Variants in CKAP2 observed in about 807,000 individuals in gnomAD.
CKAP2 encodes cytoskeleton associated protein 2, also known as cytoskeleton-associated protein 2.
In CKAP2, 46 loss-of-function variants were observed where a neutral mutation model predicts 58.4. The observed-to-expected ratio is 0.79, with a 90% confidence interval of 0.62 to 1.01. The LOEUF (loss-of-function observed/expected upper bound fraction) is 1.01. CKAP2 is among the 50% of genes least tolerant of loss of function. CKAP2 has a pLI of 0.00. For synonymous variants in CKAP2, 293 were observed against 280.9 expected (o/e 1.04, Z -0.43); for missense variants, 809 against 796.4 (o/e 1.02, Z -0.19).
chr13:52,467,226 C>A (rs1206609081), intron 6 of CKAP2, among the ~76,000 whole-genome samples: 1 of 151,852 alleles, frequency 6.6e-6, no homozygotes, highest in Non-Finnish European at 1.5e-5. Flanking sequence ...TTGGGTGGAA[C>A]ATAGCAAATG....
At chr13:52,458,005 A>G (rs975785173) in intron 2 of CKAP2, among the ~76,000 whole-genome samples, 2 of 152,168 alleles carry the variant, frequency 1.3e-5, no homozygotes, top group Non-Finnish European at 1.5e-5. Flanking sequence ...TGACCTGTTT[A>G]TATTTTTGCA....
At chr13:52,473,670 A>G (rs535627459) in intron 7 of CKAP2, 159 bp from the exon 8 acceptor site, 169 of 579,312 alleles carry the variant, frequency 2.9e-4, no homozygotes, top group Admixed American at 2.2e-3. Flanking sequence ...TTTGTTATAT[A>G]GTTGGCAGCA....
At position 52,455,635 on chromosome 13, in the gene CKAP2, CGCGGTGGCGGTGGCGGTGGCGGTG is replaced by C. The variant is rs72440971; in HGVS notation, c.70+26_70+49del. 50,350 of 1,562,918 alleles carry C rather than the reference CGCGGTGGCGGTGGCGGTGGCGGTG, an allele frequency of 0.032. 1,130 individuals carry two copies. Among genetic ancestry groups the C allele is most frequent in the Non-Finnish European group, 0.037 (43,272 of 1,158,816 alleles). Reference sequence around the variant, plus strand: ...GCAGTCCGCATTCAAAGGTGAAGGCCGCGGTGGCGGTGGCGGTGGCGGTGGCGGTGGCGGTGGCGGGCGCGGGCC... The same window carrying C: ...GCAGTCCGCATTCAAAGGTGAAGGCCGCGGTGGCGGTGGCGGGCGCGGGCC... On this transcript the variant is annotated intron_variant, in intron 1 of 8. Coordinates refer to ENST00000258607, the MANE Select transcript of CKAP2 (RefSeq NM_018204.5).
chr13:52,459,624 C>A (rs891187245), intron 2 of CKAP2, among the ~76,000 whole-genome samples: 1 of 151,644 alleles, frequency 6.6e-6, no homozygotes, highest in African/African-American at 2.4e-5. Flanking sequence ...TTCCTGGCCT[C>A]ATTTTTTTTT....
intron 2 of CKAP2, among the ~76,000 whole-genome samples, chr13:52,458,838 CAA>C (rs1481451870): frequency 2.7e-5 from 4 of 147,000 alleles, no homozygotes; most frequent in Admixed American, 6.8e-5. Flanking sequence ...GCCTGGGTGA[CAA>C]GAGCGAGACT....
Position 52,461,859 on chromosome 13 carries a change from C to T in CKAP2, c.1033C>T (p.His345Tyr). Residue 345 changes from histidine to tyrosine, a missense_variant, in exon 4 of 9, where the codon CAT becomes TAT. By Grantham distance (83) the His-to-Tyr change is moderately conservative. Coordinates refer to ENST00000258607, the MANE Select transcript of CKAP2 (RefSeq NM_018204.5). ...GTCAGAGCCCGTTGACCAGCGAAGA[C>T]ATACTGCAGGAAAAGCAATTGTTGA... The part of the protein sequence containing the change: ...EKSEPVDQRR[H>Y]TAGKAIVDSR... 9 of 1,614,104 alleles carry T rather than the reference C, an allele frequency of 5.6e-6. No homozygotes were observed. Among genetic ancestry groups the T allele is most frequent in the Non-Finnish European group, 7.6e-6 (9 of 1,179,994 alleles).
Position 52,455,534 on chromosome 13 carries a change from G to A in CKAP2, c.-23G>A, listed in dbSNP as rs750393676. 4 of 1,612,452 alleles carry A rather than the reference G, an allele frequency of 2.5e-6. No homozygotes were observed. In the African/African-American group the frequency reaches 4.0e-5, roughly 16 times the overall value. On this transcript the variant is annotated 5_prime_UTR_variant, in exon 1 of 9. Transcript: ENST00000258607. ...TCTATCTTGGCGCTAAAGCGGAGAC[G>A]CATCCCCCGACCCGAGGCTACGATG...
Position 52,461,706 on chromosome 13 carries a change from A to C in CKAP2, c.880A>C (p.Thr294Pro). 1.2e-6 allele frequency: 2 copies of C among 1,613,902 alleles called. No individual in the cohort carries two copies. The highest frequency in any genetic ancestry group is 1.7e-6 in the Non-Finnish European group (2 of 1,179,910). Residue 294 changes from threonine to proline, a missense_variant, in exon 4 of 9, where the codon ACA becomes CCA. Coordinates refer to ENST00000258607, the MANE Select transcript of CKAP2 (RefSeq NM_018204.5). ...TGAAAAAGAACTATTACAATCAAAA[A>C]CAGCTTTATCTAGTGTCAAAACCAG... is the stretch of plus-strand genomic sequence containing the variant. ...PHEKELLQSK[T>P]ALSSVKTSSS...
intron 2 of CKAP2, 96 bp downstream of exon 2, chr13:52,456,703 C>A: frequency 3.3e-6 from 3 of 910,472 alleles, no homozygotes; most frequent in South Asian, 3.2e-5. Flanking sequence ...TTTAAATTTT[C>A]TAGTAGCCAC....
intron 6 of CKAP2, chr13:52,465,942 T>TAC (rs140607775): frequency 8.1e-4 from 167 of 206,040 alleles, no homozygotes; most frequent in East Asian, 2.6e-3. Flanking sequence ...CACATATATA[T>TAC]ACACATATAT....
rs1454240142 is a variant in CKAP2, at chr13:52,474,903, AAAAG to A, written c.1812_1815del (p.Lys605CysfsTer13). 3.7e-6 allele frequency: 6 copies of A among 1,606,976 alleles called. No individual in the cohort carries two copies. In the African/African-American group the frequency reaches 8.0e-5, roughly 22 times the overall value. ...ATTGTTTTAATTTTCAGTGTGAAAA[AAAAG>A]GTGCAGTTTGATGGAACAAATTCCG... On this transcript the variant is annotated frameshift_variant, in exon 9 of 9. Transcript: ENST00000258607. LOFTEE classifies it high-confidence loss of function.
At chr13:52,464,483 G>A (rs953564515) in intron 5 of CKAP2, among the ~76,000 whole-genome samples, 19 of 150,424 alleles carry the variant, frequency 1.3e-4, no homozygotes, top group African/African-American at 3.9e-4. Context: ...AACCTGGGAG[G>A]CAGAGGTTGC....
In CKAP2 at chr13:52,473,918, C is replaced by T; in HGVS notation, c.1636C>T (p.Leu546=). ...DTGVDVDPEK[L]EMESKLHRNL... is the part of the protein sequence containing the mutation. ...AGGTGTTGATGTAGATCCAGAAAAA[C>T]TGGAAATGGAGAGTAAACTTCATAG... Residue 546 remains leucine, a synonymous_variant, in exon 8 of 9, where the codon CTG becomes TTG. Coordinates refer to ENST00000258607, the MANE Select transcript of CKAP2 (RefSeq NM_018204.5). The T allele has an allele frequency of 6.2e-7, 1 of 1,613,942 alleles. No homozygotes were observed. The highest frequency in any genetic ancestry group is 8.5e-7 in the Non-Finnish European group (1 of 1,179,950).
intron 7 of CKAP2, 48 bp downstream of exon 7, chr13:52,468,395 TTG>T: frequency 1.6e-5 from 19 of 1,172,284 alleles, no homozygotes; most frequent in East Asian, 2.3e-5. Context: ...TAGTTTTTTT[TTG>T]TTGTTGTTTT....
rs371516939 is a variant in CKAP2 at position 52,456,492 on chromosome 13, T to C, written c.71-31T>C. The C allele has an allele frequency of 1.0e-5, 15 of 1,491,584 alleles. No homozygotes were observed. In the East Asian group the frequency reaches 1.4e-4, roughly 13 times the overall value. The allele number at this position is 1,491,584 out of a possible 1,614,324, so 92.4% of individuals were successfully genotyped here. On this transcript the variant is annotated intron_variant, in intron 1 of 8. Coordinates refer to ENST00000258607, the MANE Select transcript of CKAP2 (RefSeq NM_018204.5). ...GCCGTTATCGATGTTTTAACTAATATTGACTTGTAGCTCTTACCTTTGTTA... is the reference window on the plus strand; with the variant it reads ...GCCGTTATCGATGTTTTAACTAATACTGACTTGTAGCTCTTACCTTTGTTA...
intron 7 of CKAP2, among the ~76,000 whole-genome samples, chr13:52,472,731 A>G (rs1958777028): frequency 6.6e-6 from 1 of 152,194 alleles, no homozygotes; most frequent in Non-Finnish European, 1.5e-5. Context: ...ATTCCTACAC[A>G]GTCATGTATT....
chr13:52,455,689 G>C, intron 1 of CKAP2, 63 bp downstream of exon 1: 5 of 1,409,054 alleles, frequency 3.5e-6, no homozygotes, highest in Non-Finnish European at 4.6e-6. Context: ...CGGGCCCGGC[G>C]GTCGGGGCTC....
chr13:52,465,443 A>G lies in CKAP2; in HGVS notation c.1454A>G (p.Lys485Arg), dbSNP rs780770276. The change falls in exon 6 of 9, where the codon AAA becomes AGA. Residue 485 changes from lysine (K) to arginine (R), a missense_variant. Transcript: ENST00000258607. ...GAAAATATTATTGCAATCTATGAGA[A>G]AGCCATTCTGGCAGGGGCTCAGGTA... Reference protein sequence around the residue: ...PIENIIAIYEKAILAGAQPIE... With the variant: ...PIENIIAIYERAILAGAQPIE... 3 of 1,613,510 alleles carry G rather than the reference A, an allele frequency of 1.9e-6. No individual in the cohort carries two copies. The highest frequency in any genetic ancestry group is 2.2e-5 in the East Asian group (1 of 44,760).
At chr13:52,456,698 A>G (rs1482211639) in intron 2 of CKAP2, 91 bp downstream of exon 2, 1 of 960,598 alleles carries the variant, frequency 1.0e-6, no homozygotes, top group East Asian at 2.4e-5. Flanking sequence ...GTAATTTTAA[A>G]TTTTCTAGTA....
Sources: allele counts gnomAD v4.1 joint callset (sites outside exome capture counted in the v4.1 genomes callset), GRCh38; gene constraint gnomAD v4.1.1; transcripts MANE v1.5; gene names NCBI Gene and HGNC (gene_info 2026-07-23, HGNC 2026-07-21).